Variants in CIMIP2C observed in about 807,000 individuals in gnomAD.
CIMIP2C encodes the protein ciliary microtubule inner protein 2C, also known as UPF0573 protein C2orf70.
the CIMIP2C span, among the ~76,000 whole-genome samples, chr2:26,570,345 G>T: frequency 6.6e-6 from 1 of 152,218 alleles, no homozygotes; most frequent in African/African-American, 2.4e-5. Flanking sequence ...TCAGAGCCAC[G>T]CTCCTCTTAA....
chr2:26,570,538 G>T, the CIMIP2C span, among the ~76,000 whole-genome samples: 7 of 152,220 alleles, frequency 4.6e-5, no homozygotes, highest in African/African-American at 1.7e-4. Context: ...TCTCAGTGAG[G>T]CAGGTGCTAG....
At chr2:26,575,960 AC>A in the CIMIP2C span, 1 of 1,613,220 alleles carries the variant, frequency 6.2e-7, no homozygotes, top group Non-Finnish European at 8.5e-7. Context: ...CGGCACCACC[AC>A]CCTCAAGTAC....
At chr2:26,574,642 T>A in the CIMIP2C span, among the ~76,000 whole-genome samples, 54 of 152,298 alleles carry the variant, frequency 3.5e-4, no homozygotes, top group African/African-American at 1.3e-3. Flanking sequence ...ATGGCTGCCA[T>A]CACCCAAGAC....
At chr2:26,562,634 A>T in the CIMIP2C span, 1 of 1,585,886 alleles carries the variant, frequency 6.3e-7, no homozygotes, top group Non-Finnish European at 8.6e-7. Context: ...CAGCGCGGGC[A>T]CCCTACTGAC....
the CIMIP2C span, among the ~76,000 whole-genome samples, chr2:26,566,590 C>G: frequency 6.6e-6 from 1 of 152,222 alleles, no homozygotes; most frequent in Admixed American, 6.5e-5. Flanking sequence ...GATGGATGCA[C>G]AGCTGTGCAC....
At chr2:26,562,645 C>A in the CIMIP2C span, 2 of 1,587,200 alleles carry the variant, frequency 1.3e-6, no homozygotes, top group South Asian at 1.1e-5. Context: ...CCCTACTGAC[C>A]GAGTTCAATG....
chr2:26,562,909 C>T, the CIMIP2C span: 2 of 565,194 alleles, frequency 3.5e-6, no homozygotes, highest in Non-Finnish European at 6.3e-6. Flanking sequence ...CAGGAAGGCG[C>T]TCCCTGGCAA....
At chr2:26,577,136 G>A in the CIMIP2C span, among the ~76,000 whole-genome samples, 6 of 152,212 alleles carry the variant, frequency 3.9e-5, no homozygotes, top group African/African-American at 9.6e-5. Flanking sequence ...AACATGCCCC[G>A]TACAGTGGGG....
At chr2:26,575,039 C>T in the CIMIP2C span, among the ~76,000 whole-genome samples, 2 of 152,248 alleles carry the variant, frequency 1.3e-5, no homozygotes, top group Admixed American at 6.5e-5. Flanking sequence ...TTTGTTAAAA[C>T]AAGTCTTTAG....
At chr2:26,564,977 A>G in the CIMIP2C span, among the ~76,000 whole-genome samples, 10 of 152,254 alleles carry the variant, frequency 6.6e-5, no homozygotes, top group African/African-American at 2.2e-4. Context: ...CTGAGCTCCA[A>G]CTATGTACCA....
the CIMIP2C span, among the ~76,000 whole-genome samples, chr2:26,569,643 G>A: frequency 6.6e-6 from 1 of 152,168 alleles, no homozygotes; most frequent in Non-Finnish European, 1.5e-5. Context: ...TCAGGGAAGG[G>A]ACTGCTCCTT....
At chr2:26,576,355 G>A in the CIMIP2C span, among the ~76,000 whole-genome samples, 4,097 of 152,246 alleles carry the variant, frequency 0.027, 113 homozygotes, top group Non-Finnish European at 0.03. Context: ...GGAGTAAGGA[G>A]GCTCAGGACT....
At chr2:26,572,800 C>T in the CIMIP2C span, among the ~76,000 whole-genome samples, 2 of 152,162 alleles carry the variant, frequency 1.3e-5, no homozygotes, top group African/African-American at 2.4e-5. Flanking sequence ...TCCTTGCTTC[C>T]GAGGAGGAGA....
the CIMIP2C span, chr2:26,562,899 C>T: frequency 1.8e-6 from 1 of 569,318 alleles, no homozygotes; most frequent in Admixed American, 3.3e-5. Context: ...TTCCCCTTCA[C>T]AGGAAGGCGC....
chr2:26,578,012 T>C, the CIMIP2C span: 5 of 233,148 alleles, frequency 2.1e-5, no homozygotes, highest in African/African-American at 9.3e-5. Flanking sequence ...CTCTGGTGGA[T>C]ACAGAGGGCA....
chr2:26,568,763 C>A, the CIMIP2C span, among the ~76,000 whole-genome samples: 9 of 152,094 alleles, frequency 5.9e-5, no homozygotes, highest in Non-Finnish European at 1.2e-4. Context: ...GGTGCGGTGG[C>A]TCACACCTGC....
the CIMIP2C span, among the ~76,000 whole-genome samples, chr2:26,568,343 C>T: frequency 2.0e-5 from 3 of 152,142 alleles, no homozygotes; most frequent in Non-Finnish European, 4.4e-5. Flanking sequence ...TCATAAGCCA[C>T]GTCATTCCCC....
At chr2:26,578,463 T>C in the CIMIP2C span, 174 of 238,094 alleles carry the variant, frequency 7.3e-4, 4 homozygotes, top group Admixed American at 2.7e-3. Context: ...ATCTAAAAGT[T>C]CCTTTTTGCA....
the CIMIP2C span, among the ~76,000 whole-genome samples, chr2:26,566,313 G>A: frequency 1.3e-5 from 2 of 152,222 alleles, no homozygotes; most frequent in African/African-American, 4.8e-5. Context: ...GGACCTCGGA[G>A]ACTTCAGGGG....
Sources: allele counts gnomAD v4.1 joint callset (sites outside exome capture counted in the v4.1 genomes callset), GRCh38; gene constraint gnomAD v4.1.1; transcripts MANE v1.5; gene names NCBI Gene and HGNC (gene_info 2026-07-23, HGNC 2026-07-21).